The following GNAI1 variants were observed in gnomAD, a reference collection of about 807,000 sequenced individuals.
GNAI1 encodes the protein guanine nucleotide-binding protein G(i) subunit alpha-1.
A neutral mutation model predicts 38.9 loss-of-function variants in GNAI1; 11 were observed. That is an observed-to-expected ratio of 0.28 (90% CI 0.18 to 0.47). The LOEUF (loss-of-function observed/expected upper bound fraction) is 0.47. Ranked by LOEUF, GNAI1 falls within the 20% of genes least tolerant of loss-of-function variation. The pLI, the probability that GNAI1 is intolerant of heterozygous loss-of-function variation, is 0.99. For synonymous variants in GNAI1, 166 were observed against 145.1 expected, an observed-to-expected ratio of 1.14 and a Z score of -1.04; for missense variants, 317 against 436.9, an observed-to-expected ratio of 0.73 and a Z score of 2.45.
At chr7:80,178,362 A>G (rs1259564359) in intron 1 of GNAI1, among the ~76,000 whole-genome samples, 1 of 152,200 alleles carries the variant, frequency 6.6e-6, no homozygotes, top group Non-Finnish European at 1.5e-5. Context: ...CAATTTTGAA[A>G]GAAGTTCTGC....
Position 80,217,484 on chromosome 7 carries a change from T to G in GNAI1, c.1056T>G (p.Gly352=). The G allele has an allele frequency of 1.3e-6, 2 of 1,594,208 alleles. No individual in the cohort carries two copies. The highest frequency in any genetic ancestry group is 1.7e-6 in the Non-Finnish European group (2 of 1,170,030). ...TAAAAAATAATCTAAAAGATTGTGG[T>G]CTCTTTTAAGTTTTGCAGTTCATGG... is the stretch of plus-strand genomic sequence containing the variant. The part of the protein sequence containing the change: ...VIIKNNLKDC[G]LF Residue 352 remains glycine (G), a synonymous_variant, in exon 8 of 8, where the codon GGT becomes GGG. Transcript: ENST00000649796.
chr7:80,198,319 T>C (rs1353188963), intron 3 of GNAI1, among the ~76,000 whole-genome samples: 1 of 152,070 alleles, frequency 6.6e-6, no homozygotes, highest in Non-Finnish European at 1.5e-5. Context: ...AGTATACTGT[T>C]AAAAATCATT....
At chr7:80,137,140 A>G (rs1173068236) in intron 1 of GNAI1, among the ~76,000 whole-genome samples, 1 of 152,020 alleles carries the variant, frequency 6.6e-6, no homozygotes, top group Non-Finnish European at 1.5e-5. Flanking sequence ...GTTAAGGACC[A>G]CTGTTCTAGA....
At position 80,224,157 on chromosome 7, in the gene GNAI1, C is replaced by T. The variant is rs1789122858; in HGVS notation, c.*6664C>T. 6.6e-6 allele frequency among the ~76,000 whole-genome samples: 1 copy of T among 152,130 alleles called. No homozygotes were observed. Among genetic ancestry groups the T allele is most frequent in the Admixed American group, 6.6e-5 (1 of 15,266 alleles). On this transcript the variant is annotated 3_prime_UTR_variant, in exon 8 of 8. Coordinates refer to ENST00000649796, the MANE Select transcript of GNAI1 (RefSeq NM_002069.6). ...CATTATTTAAAATATGTTAGAGATA[C>T]ATAAATATATAGAGAAAATGCATAC...
rs113813680 is a variant in GNAI1, at chr7:80,161,891, G to C, written c.118+26613G>C. Among the ~76,000 whole-genome samples, 1,142 of 152,054 alleles carry C rather than the reference G, an allele frequency of 7.5e-3. 23 individuals are homozygous for C. The highest frequency in any genetic ancestry group is 0.027 in the African/African-American group (1,101 of 41,396). On this transcript the variant is annotated intron_variant, in intron 1 of 7. Transcript: ENST00000649796. ...AAGATGCTCAGTTTTTTATTTACTG[G>C]TAGATACTTATACAGTGCTTACCAT... is the stretch of plus-strand genomic sequence containing the variant.
chr7:80,213,865 G>T (rs1317984050), intron 7 of GNAI1, among the ~76,000 whole-genome samples: 1 of 151,406 alleles, frequency 6.6e-6, no homozygotes, highest in Non-Finnish European at 1.5e-5. Context: ...AAAGTCTCAA[G>T]AATTTGTTTT....
intron 3 of GNAI1, among the ~76,000 whole-genome samples, chr7:80,194,470 C>T (rs1479938105): frequency 6.6e-6 from 1 of 152,050 alleles, no homozygotes; most frequent in Non-Finnish European, 1.5e-5. Flanking sequence ...GTTTAAAATT[C>T]CCGTTATTTC....
At chr7:80,136,101 G>A in intron 1 of GNAI1, 1 of 931,040 alleles carries the variant, frequency 1.1e-6, no homozygotes. Context: ...TTTGTTCTTA[G>A]CACTGTTCTG....
At chr7:80,147,259 T>C (rs1251455917) in intron 1 of GNAI1, among the ~76,000 whole-genome samples, 2 of 152,106 alleles carry the variant, frequency 1.3e-5, no homozygotes, top group East Asian at 3.9e-4. Flanking sequence ...AAAATTCACA[T>C]GTCGAAACCC....
At chr7:80,158,786 A>C (rs1787863817) in intron 1 of GNAI1, among the ~76,000 whole-genome samples, 1 of 152,194 alleles carries the variant, frequency 6.6e-6, no homozygotes, top group South Asian at 2.1e-4. Flanking sequence ...CACGCTATTC[A>C]AGCCAGCCTC....
Position 80,202,939 on chromosome 7 carries a change from A to T in GNAI1, c.462-765A>T, listed in dbSNP as rs12673779. On this transcript the variant is annotated intron_variant, in intron 4 of 7. Transcript: ENST00000649796. Reference sequence around the variant, plus strand: ...ATCCCCATTATTCATGTTTCTGTTTAGACCCCTCGCTATCCATGAATCCTT... The same window carrying T: ...ATCCCCATTATTCATGTTTCTGTTTTGACCCCTCGCTATCCATGAATCCTT... Among the ~76,000 whole-genome samples the T allele has an allele frequency of 3.2e-4, 49 of 152,264 alleles. 1 individual carries two copies. In the East Asian group the frequency reaches 8.9e-3, roughly 28 times the overall value.
chr7:80,208,286 C>G (rs1446042320), intron 5 of GNAI1, among the ~76,000 whole-genome samples: 1 of 152,058 alleles, frequency 6.6e-6, no homozygotes, highest in African/African-American at 2.4e-5. Context: ...AAGTTCAGAA[C>G]TTAACAGTAT....
chr7:80,159,313 T>C (rs1226211054), intron 1 of GNAI1, among the ~76,000 whole-genome samples: 4 of 152,158 alleles, frequency 2.6e-5, no homozygotes, highest in African/African-American at 9.7e-5. Flanking sequence ...GTTCTTAGGC[T>C]TGTACTTTGT....
chr7:80,135,256 C>T lies in GNAI1; in HGVS notation c.96C>T (p.Arg32=). ...GTGAGGACGGCGAGAAGGCGGCGCG[C>T]GAGGTCAAGCTGCTGCTGCTCGGTA... is the stretch of plus-strand genomic sequence containing the variant. ...NLREDGEKAA[R]EVKLLLLGAG... The change falls in exon 1 of 8, where the codon CGC becomes CGT. Residue 32 remains arginine (R), a synonymous_variant. Transcript: ENST00000649796. 6.6e-7 allele frequency: 1 copy of T among 1,518,874 alleles called. No homozygotes were observed. Among genetic ancestry groups the T allele is most frequent in the Non-Finnish European group, 8.8e-7 (1 of 1,132,168 alleles). 94.1% of individuals were successfully genotyped at this position (1,518,874 alleles called of 1,614,324 possible). A position where few individuals can be genotyped will look rare whatever the true frequency, so the allele number is the denominator to read the frequency against.
rs756206752 is a variant in GNAI1 at position 80,203,716 on chromosome 7, C to G, written c.474C>G (p.Asp158Glu). Residue 158 changes from aspartate (D) to glutamate (E), a missense_variant, in exon 5 of 8, where the codon GAC (aspartate) becomes GAG (glutamate). Asp to Glu is a conservative substitution (Grantham distance 45, BLOSUM62 2). Transcript: ENST00000649796. ...TAATTTTTTTCAGCTATTTGAATGACTTGGACAGAATAGCTCAACCAAATT... is the reference window on the plus strand; with the variant it reads ...TAATTTTTTTCAGCTATTTGAATGAGTTGGACAGAATAGCTCAACCAAATT... The part of the protein sequence containing the change: ...LNDSAAYYLN[D>E]LDRIAQPNYI... 1 of 1,583,880 alleles carries G rather than the reference C, an allele frequency of 6.3e-7. No homozygotes were observed.
chr7:80,150,715 A>G (rs1269215760), intron 1 of GNAI1, among the ~76,000 whole-genome samples: 1 of 152,190 alleles, frequency 6.6e-6, no homozygotes, highest in Non-Finnish European at 1.5e-5. Flanking sequence ...TGTGACTGAA[A>G]TATTTCGTAA....
chr7:80,209,681 A>G (rs1288824729), intron 5 of GNAI1, among the ~76,000 whole-genome samples: 3 of 152,212 alleles, frequency 2.0e-5, no homozygotes, highest in Non-Finnish European at 4.4e-5. Flanking sequence ...GATGTGTGAC[A>G]TCTAATCAGA....
intron 3 of GNAI1, among the ~76,000 whole-genome samples, chr7:80,193,206 A>ATT (rs1788512202): frequency 6.6e-6 from 1 of 152,104 alleles, no homozygotes; most frequent in African/African-American, 2.4e-5. Context: ...AGCCAGCTTA[A>ATT]TTCCCCCACA....
chr7:80,144,793 A>C (rs1345065520), intron 1 of GNAI1, among the ~76,000 whole-genome samples: 2 of 152,210 alleles, frequency 1.3e-5, no homozygotes, highest in East Asian at 3.9e-4. Context: ...TTCCGAAGTT[A>C]ATCTAATTCC....
Sources: allele counts gnomAD v4.1 joint callset (sites outside exome capture counted in the v4.1 genomes callset), GRCh38; gene constraint gnomAD v4.1.1; transcripts MANE v1.5; gene names NCBI Gene and HGNC (gene_info 2026-07-23, HGNC 2026-07-21).